Variants in CNBD1 observed in about 807,000 individuals in gnomAD.
CNBD1 encodes the protein cyclic nucleotide-binding domain-containing protein 1.
Under a neutral mutation model 54.4 loss-of-function variants are expected in CNBD1, and 71 were observed. That is an observed-to-expected ratio of 1.30 (90% CI 1.08 to 1.59). The LOEUF is 1.59. Among genes scored for constraint, CNBD1 ranks in the 40% most tolerant of loss-of-function variants. The pLI is 0.00. For synonymous variants in CNBD1, 182 were observed against 170.7 expected (o/e 1.07, Z -0.51); for missense variants, 659 against 518.0 (o/e 1.27, Z -2.64).
chr8:87,136,541 A>T (rs1489979659), intron 4 of CNBD1, among the ~76,000 whole-genome samples: 2 of 111,728 alleles, frequency 1.8e-5, no homozygotes, highest in African/African-American at 6.8e-5. Flanking sequence ...TATATATTAT[A>T]TTTATATTAT....
At chr8:87,360,439 C>T (rs981169266) in intron 10 of CNBD1, among the ~76,000 whole-genome samples, 5 of 151,650 alleles carry the variant, frequency 3.3e-5, no homozygotes, top group African/African-American at 1.2e-4. Flanking sequence ...CATTATTAAG[C>T]TTAAGCAAAT....
chr8:86,913,288 C>A (rs1809131861), intron 3 of CNBD1, among the ~76,000 whole-genome samples: 1 of 152,108 alleles, frequency 6.6e-6, no homozygotes, highest in Admixed American at 6.6e-5. Flanking sequence ...AAGGGAAGTG[C>A]CCTTTACAGA....
chr8:87,052,147 T>C lies in CNBD1; in HGVS notation c.431+112393T>C, dbSNP rs558236424. Among the ~76,000 whole-genome samples the C allele has an allele frequency of 7.2e-5, 11 of 152,308 alleles. No individual in the cohort carries two copies. In the East Asian group the frequency reaches 2.1e-3, roughly 29 times the overall value. ...TGTAAAGCAAGCACTAGTGCCTGTG[T>C]CTCTCTCTTGTACTTCCTCTCTTTT... On this transcript the variant is annotated intron_variant, in intron 4 of 10. Coordinates refer to ENST00000518476, the MANE Select transcript of CNBD1 (RefSeq NM_173538.3).
intron 8 of CNBD1, among the ~76,000 whole-genome samples, chr8:87,321,756 AATC>A (rs560513937): frequency 2.0e-5 from 3 of 150,656 alleles, no homozygotes; most frequent in African/African-American, 7.3e-5. Flanking sequence ...GTATCCAAGA[AATC>A]ATTGCCAAGA....
rs563215744 is a variant in CNBD1, at chr8:86,958,131, A to T, written c.431+18377A>T. On this transcript the variant is annotated intron_variant, in intron 4 of 10. Coordinates refer to ENST00000518476, the MANE Select transcript of CNBD1 (RefSeq NM_173538.3). Reference sequence around the variant, plus strand: ...CAGGTTGTTCAGTTTCCAGGTAGTTAAGTGGTTTTGAGTGAGTTTCTTAAT... The same window carrying T: ...CAGGTTGTTCAGTTTCCAGGTAGTTTAGTGGTTTTGAGTGAGTTTCTTAAT... Among the ~76,000 whole-genome samples the T allele has an allele frequency of 3.3e-5, 5 of 152,144 alleles. No homozygotes were observed. The East Asian group carries it at 9.7e-4, about 29-fold the overall frequency.
rs566031837 is a variant in CNBD1 at position 87,013,553 on chromosome 8, T to G, written c.431+73799T>G. On this transcript the variant is annotated intron_variant, in intron 4 of 10. Coordinates refer to ENST00000518476, the MANE Select transcript of CNBD1 (RefSeq NM_173538.3). Reference sequence around the variant, plus strand: ...CTTGCTTTAAATCTGCTGTTACTTTTCTACTGAGATTAAAAAAAATAATAA... The same window carrying G: ...CTTGCTTTAAATCTGCTGTTACTTTGCTACTGAGATTAAAAAAAATAATAA... 5.3e-5 allele frequency among the ~76,000 whole-genome samples: 8 copies of G among 151,966 alleles called. No individual in the cohort carries two copies. The East Asian group carries it at 1.6e-3, about 30-fold the overall frequency.
intron 8 of CNBD1, among the ~76,000 whole-genome samples, chr8:87,304,972 C>G (rs956306508): frequency 6.6e-6 from 1 of 152,108 alleles, no homozygotes; most frequent in African/African-American, 2.4e-5. Flanking sequence ...CAAACTGCCA[C>G]TGTTTGCTAA....
chr8:87,051,609 A>G (rs1226895232), intron 4 of CNBD1, among the ~76,000 whole-genome samples: 1 of 152,182 alleles, frequency 6.6e-6, no homozygotes, highest in Non-Finnish European at 1.5e-5. Context: ...AAACAAAGGG[A>G]TGGGCTGAAA....
intron 10 of CNBD1, among the ~76,000 whole-genome samples, chr8:87,367,854 G>A (rs1301593384): frequency 2.0e-5 from 3 of 152,068 alleles, no homozygotes; most frequent in African/African-American, 7.2e-5. Context: ...GGGAACCATA[G>A]ATTGTCTCAG....
At chr8:87,305,402 A>G (rs1809120950) in intron 8 of CNBD1, among the ~76,000 whole-genome samples, 1 of 152,142 alleles carries the variant, frequency 6.6e-6, no homozygotes, top group Non-Finnish European at 1.5e-5. Flanking sequence ...ATTAGAAAAA[A>G]CAATTCTAAA....
chr8:86,925,794 A>G (rs893073119), intron 3 of CNBD1, among the ~76,000 whole-genome samples: 1 of 150,574 alleles, frequency 6.6e-6, no homozygotes, highest in Non-Finnish European at 1.5e-5. Flanking sequence ...CTGTGTCTGG[A>G]GTTGGTTCCT....
At chr8:87,214,684 T>C (rs1586334454) in intron 5 of CNBD1, among the ~76,000 whole-genome samples, 1 of 152,310 alleles carries the variant, frequency 6.6e-6, no homozygotes, top group Admixed American at 6.5e-5. Flanking sequence ...TATGGTTCCA[T>C]GTGACTAGCG....
chr8:87,017,386 T>G (rs1489991114), intron 4 of CNBD1, among the ~76,000 whole-genome samples: 2 of 152,172 alleles, frequency 1.3e-5, no homozygotes. Context: ...GAGCATTTAT[T>G]GGGGCTAATG....
intron 6 of CNBD1, among the ~76,000 whole-genome samples, chr8:87,269,637 C>G (rs1808324690): frequency 6.6e-6 from 1 of 151,934 alleles, no homozygotes; most frequent in Non-Finnish European, 1.5e-5. Context: ...TCTTTTACCC[C>G]CTTCATAAGC....
chr8:87,262,436 G>A lies in CNBD1; in HGVS notation c.772-22242G>A, dbSNP rs568612160. Among the ~76,000 whole-genome samples the A allele has an allele frequency of 4.6e-5, 7 of 152,238 alleles. No homozygotes were observed. In the East Asian group the frequency reaches 1.4e-3, roughly 29 times the overall value. On this transcript the variant is annotated intron_variant, in intron 6 of 10. Coordinates refer to ENST00000518476, the MANE Select transcript of CNBD1 (RefSeq NM_173538.3). ...AGGTGTGTCTGTAAGGGTTATTTCA[G>A]AAGAGATTAGCATTTAAATAAATAG...
intron 2 of CNBD1, among the ~76,000 whole-genome samples, chr8:87,398,791 C>T (rs1410560923): frequency 2.0e-5 from 3 of 152,100 alleles, no homozygotes; most frequent in Non-Finnish European, 4.4e-5. Context: ...CTTCTACATG[C>T]CATTTTTAAA....
At chr8:87,067,637 A>G (rs377229564) in intron 4 of CNBD1, among the ~76,000 whole-genome samples, 7 of 152,078 alleles carry the variant, frequency 4.6e-5, no homozygotes, top group African/African-American at 1.7e-4. Flanking sequence ...GTGTAAGTAT[A>G]AGCATTTCTT....
intron 4 of CNBD1, among the ~76,000 whole-genome samples, chr8:87,021,444 G>A (rs1809487023): frequency 6.6e-6 from 1 of 152,160 alleles, no homozygotes; most frequent in African/African-American, 2.4e-5. Context: ...CTATTTGGGA[G>A]CAATCTTTCT....
chr8:87,258,006 C>A (rs1330516462), intron 6 of CNBD1, among the ~76,000 whole-genome samples: 2 of 152,048 alleles, frequency 1.3e-5, no homozygotes, highest in African/African-American at 2.4e-5. Flanking sequence ...ATCTTAATAT[C>A]ATTCACTAAA....
Sources: allele counts gnomAD v4.1 joint callset (sites outside exome capture counted in the v4.1 genomes callset), GRCh38; gene constraint gnomAD v4.1.1; transcripts MANE v1.5; gene names NCBI Gene and HGNC (gene_info 2026-07-23, HGNC 2026-07-21).